The following SBF2 variants were observed in gnomAD, a reference collection of about 807,000 sequenced individuals.
SBF2 encodes myotubularin-related protein 13.
SBF2 carries 112 observed loss-of-function variants against 225.2 expected under a neutral mutation model. That is an observed-to-expected ratio of 0.50 (90% CI 0.43 to 0.58). SBF2 has a LOEUF of 0.58. Ranked by LOEUF, SBF2 falls within the 20% of genes least tolerant of loss-of-function variation. SBF2 has a pLI of 0.00. For missense variants in SBF2, 1,996 were observed against 2,206.2 expected, an observed-to-expected ratio of 0.90 and a Z score of 1.91; for synonymous variants, 763 against 773.3, an observed-to-expected ratio of 0.99 and a Z score of 0.22.
chr11:9,795,029 A>G (rs1853034238), intron 33 of SBF2, among the ~76,000 whole-genome samples: 1 of 152,156 alleles, frequency 6.6e-6, no homozygotes, highest in African/African-American at 2.4e-5. Flanking sequence ...GAGTGCATAT[A>G]ATATATTGAA....
intron 33 of SBF2, among the ~76,000 whole-genome samples, chr11:9,794,851 G>T (rs532159508): frequency 1.1e-4 from 16 of 152,198 alleles, no homozygotes; most frequent in African/African-American, 3.9e-4. Flanking sequence ...AGTATAAACA[G>T]GGTGGAAAAT....
At chr11:9,848,399 C>T (rs1458206915) in intron 22 of SBF2, among the ~76,000 whole-genome samples, 2 of 151,870 alleles carry the variant, frequency 1.3e-5, no homozygotes, top group African/African-American at 4.8e-5. Context: ...TTTTCTTTGA[C>T]AAAAATAATT....
At chr11:10,279,105 TTAA>T (rs910225198) in intron 1 of SBF2, among the ~76,000 whole-genome samples, 3 of 77,638 alleles carry the variant, frequency 3.9e-5, no homozygotes, top group African/African-American at 1.4e-4. Flanking sequence ...CGGTCTTGTA[TTAA>T]AAAAAAAAAA....
intron 2 of SBF2, among the ~76,000 whole-genome samples, chr11:10,115,413 T>C (rs536379434): frequency 3.3e-5 from 5 of 152,358 alleles, no homozygotes; most frequent in Admixed American, 2.6e-4. Flanking sequence ...CATGTATTCC[T>C]TGCAACCACC....
At chr11:10,063,858 C>CACACACAGAGAGAGAGAGAG (rs373423157) in intron 2 of SBF2, among the ~76,000 whole-genome samples, 69 of 136,226 alleles carry the variant, frequency 5.1e-4, no homozygotes, top group Admixed American at 2.2e-3. Flanking sequence ...CACACACACA[C>CACACACAGAGAGAGAGAGAG]AGAGAGAGAG....
intron 13 of SBF2, among the ~76,000 whole-genome samples, chr11:9,973,369 T>C (rs899016214): frequency 2.0e-5 from 3 of 152,172 alleles, no homozygotes; most frequent in Non-Finnish European, 2.9e-5. Context: ...AGCAGCCAAA[T>C]TTTCATCTTT....
intron 16 of SBF2, among the ~76,000 whole-genome samples, chr11:9,912,513 C>T (rs551450581): frequency 2.0e-5 from 3 of 152,132 alleles, no homozygotes; most frequent in Admixed American, 6.5e-5. Context: ...ACCTGGGATG[C>T]GGAGGTTGCA....
chr11:10,008,442 T>G (rs1014282034), intron 6 of SBF2, among the ~76,000 whole-genome samples: 2 of 152,202 alleles, frequency 1.3e-5, no homozygotes, highest in African/African-American at 4.8e-5. Context: ...CTCAAAACAG[T>G]TGCCTTGGTC....
chr11:10,229,912 A>T (rs369202963), intron 1 of SBF2, among the ~76,000 whole-genome samples: 1 of 152,056 alleles, frequency 6.6e-6, no homozygotes, highest in East Asian at 1.9e-4. Flanking sequence ...TGACAGTGGG[A>T]TGTTAAAGTC....
rs543709705 is a variant in SBF2, at chr11:10,129,807, C to T, written c.141+64095G>A. ...TTGCTTGAGGCCACGAGTTCAAGAC[C>T]AGCCAGGGCAACATAGCGAGACCCC... On this transcript the variant is annotated intron_variant, in intron 2 of 39. Transcript: ENST00000256190. Among the ~76,000 whole-genome samples the T allele has an allele frequency of 3.9e-5, 6 of 152,084 alleles. No homozygotes were observed. The South Asian group carries it at 1.2e-3, about 32-fold the overall frequency.
intron 2 of SBF2, among the ~76,000 whole-genome samples, chr11:10,062,841 T>C (rs1322984133): frequency 6.6e-6 from 1 of 152,160 alleles, no homozygotes; most frequent in Non-Finnish European, 1.5e-5. Context: ...TTACTGAGTA[T>C]ATACCCAAAG....
Position 9,847,232 on chromosome 11 carries a change from C to G in SBF2, c.2807-149G>C, listed in dbSNP as rs1856612936. On this transcript the variant is annotated intron_variant, in intron 22 of 39. Coordinates refer to ENST00000256190, the MANE Select transcript of SBF2 (RefSeq NM_030962.4). ...CAGTGAAAGAAAGTGCCCTTCACTC[C>G]AGAAAAGGATTATGTCTCAGGAGTG... 45 of 932,542 alleles carry G rather than the reference C, an allele frequency of 4.8e-5. No individual in the cohort carries two copies. In the South Asian group the frequency reaches 6.6e-4, roughly 14 times the overall value. The allele number at this position is 932,542 out of a possible 1,614,324, so 57.8% of individuals were successfully genotyped here. A position where few individuals can be genotyped will look rare whatever the true frequency, so the allele number is the denominator to read the frequency against.
At position 10,293,917 on chromosome 11, in the gene SBF2, T is replaced by TCCCCGACGCCCGGCCCCGACGCCCGG. The variant is rs573079580; in HGVS notation, c.55+97_55+98insCCGGGCGTCGGGGCCGGGCGTCGGGG. ...GCTCCTCCGAGACTCGGCCTGGCCC[T>TCCCCGACGCCCGGCCCCGACGCCCGG]CCCCGACGCCCGTCCCCGACGCCCG... On this transcript the variant is annotated intron_variant, in intron 1 of 39. Transcript: ENST00000256190. The TCCCCGACGCCCGGCCCCGACGCCCGG allele has an allele frequency of 9.3e-3, 8,191 of 880,574 alleles. 120 individuals carry two copies. The highest frequency in any genetic ancestry group is 0.028 in the Middle Eastern group (67 of 2,400). The allele number at this position is 880,574 out of a possible 1,614,324, so 54.5% of individuals were successfully genotyped here.
chr11:9,913,178 G>C (rs1238542567), intron 16 of SBF2, among the ~76,000 whole-genome samples: 2 of 152,194 alleles, frequency 1.3e-5, no homozygotes, highest in African/African-American at 4.8e-5. Context: ...CAGCTATTCA[G>C]GAGGTTGAGG....
intron 2 of SBF2, among the ~76,000 whole-genome samples, chr11:10,100,669 CA>C (rs1952255399): frequency 6.6e-6 from 1 of 152,126 alleles, no homozygotes. Context: ...AGGTACTGCC[CA>C]CACCTCCTTC....
intron 2 of SBF2, among the ~76,000 whole-genome samples, chr11:10,138,918 T>C (rs1954514154): frequency 6.6e-6 from 1 of 152,230 alleles, no homozygotes; most frequent in African/African-American, 2.4e-5. Flanking sequence ...GGATAGAATG[T>C]TCCTTGTCTG....
At chr11:9,817,767 ACTAC>A (rs1564880657) in intron 28 of SBF2, among the ~76,000 whole-genome samples, 61 of 83,420 alleles carry the variant, frequency 7.3e-4, no homozygotes, top group Middle Eastern at 7.8e-3. Flanking sequence ...AAAAAAAAAA[ACTAC>A]AAAAAGACAC....
chr11:9,928,421 T>A (rs1864226424), intron 16 of SBF2, among the ~76,000 whole-genome samples: 1 of 152,192 alleles, frequency 6.6e-6, no homozygotes, highest in Admixed American at 6.5e-5. Context: ...CCTATTAGGA[T>A]GGCTTCAAAT....
intron 6 of SBF2, among the ~76,000 whole-genome samples, chr11:10,021,763 A>G (rs765564811): frequency 1.3e-5 from 2 of 152,032 alleles, no homozygotes; most frequent in Non-Finnish European, 2.9e-5. Context: ...ACTACCCCCA[A>G]CCCAGCTCGT....
Sources: allele counts gnomAD v4.1 joint callset (sites outside exome capture counted in the v4.1 genomes callset), GRCh38; gene constraint gnomAD v4.1.1; transcripts MANE v1.5; gene names NCBI Gene and HGNC (gene_info 2026-07-23, HGNC 2026-07-21).